The following GRID2 variants were observed in gnomAD, a reference collection of about 807,000 sequenced individuals.
The protein encoded by GRID2 is glutamate ionotropic receptor delta type subunit 2, also known as glutamate receptor ionotropic, delta-2.
A neutral mutation model predicts 114.8 loss-of-function variants in GRID2; 33 were observed. That is an observed-to-expected ratio of 0.29 (90% CI 0.22 to 0.38). GRID2 has a LOEUF of 0.38. Among genes scored for constraint, GRID2 ranks in the 10% least tolerant of loss-of-function variants. The probability of loss-of-function intolerance (pLI) is 1.00; values close to 1 mark genes in which losing one functional copy is unlikely to be tolerated. For missense variants in GRID2, 1,184 were observed against 1,257.7 expected, an observed-to-expected ratio of 0.94 and a Z score of 0.89; for synonymous variants, 505 against 449.9, an observed-to-expected ratio of 1.12 and a Z score of -1.55.
intron 2 of GRID2, among the ~76,000 whole-genome samples, chr4:93,036,518 TTAAAA>T (rs1369368929): frequency 6.6e-6 from 1 of 152,128 alleles, no homozygotes; most frequent in East Asian, 1.9e-4. Context: ...TCAAAATAAT[TTAAAA>T]TATAATAATG....
intron 2 of GRID2, among the ~76,000 whole-genome samples, chr4:92,977,427 T>C (rs1753945388): frequency 1.3e-5 from 2 of 152,128 alleles, no homozygotes; most frequent in African/African-American, 4.8e-5. Context: ...GAAATTAATA[T>C]AACTGGCATA....
intron 8 of GRID2, among the ~76,000 whole-genome samples, chr4:93,256,799 T>C (rs1409268226): frequency 6.6e-6 from 1 of 151,920 alleles, no homozygotes; most frequent in Non-Finnish European, 1.5e-5. Flanking sequence ...GTCAAATATT[T>C]TTGAATTGAG....
At chr4:92,620,779 C>T (rs1730231343) in intron 2 of GRID2, among the ~76,000 whole-genome samples, 1 of 150,524 alleles carries the variant, frequency 6.6e-6, no homozygotes, top group Non-Finnish European at 1.5e-5. Context: ...ACATCACACA[C>T]CGGGGACTGT....
intron 2 of GRID2, among the ~76,000 whole-genome samples, chr4:92,849,282 T>G (rs1365577249): frequency 2.0e-5 from 3 of 151,952 alleles, no homozygotes; most frequent in Non-Finnish European, 4.4e-5. Flanking sequence ...GCATTTTTCC[T>G]TAGTACTTGC....
chr4:93,053,506 G>A (rs1726921250), intron 2 of GRID2, among the ~76,000 whole-genome samples: 1 of 151,818 alleles, frequency 6.6e-6, no homozygotes, highest in African/African-American at 2.4e-5. Context: ...TCCTTCGAAG[G>A]CACAGACTTA....
chr4:92,628,176 A>G (rs1730614139), intron 2 of GRID2, among the ~76,000 whole-genome samples: 1 of 152,150 alleles, frequency 6.6e-6, no homozygotes, highest in Non-Finnish European at 1.5e-5. Flanking sequence ...GGATACAACA[A>G]TCAGCTCTCA....
At chr4:92,462,306 C>T (rs576029155) in intron 1 of GRID2, among the ~76,000 whole-genome samples, 17 of 152,078 alleles carry the variant, frequency 1.1e-4, no homozygotes, top group African/African-American at 3.6e-4. Context: ...TAATTGTATG[C>T]TACTCAAGCA....
intron 8 of GRID2, among the ~76,000 whole-genome samples, chr4:93,313,742 C>G (rs1418561227): frequency 6.6e-6 from 1 of 152,124 alleles, no homozygotes; most frequent in Non-Finnish European, 1.5e-5. Context: ...TGAGATGCCA[C>G]TAGATATCCT....
intron 4 of GRID2, among the ~76,000 whole-genome samples, chr4:93,117,961 A>T (rs1206351460): frequency 6.6e-6 from 1 of 152,204 alleles, no homozygotes; most frequent in East Asian, 1.9e-4. Context: ...CACAGCATTC[A>T]TAGGATTTTA....
intron 3 of GRID2, among the ~76,000 whole-genome samples, chr4:93,096,325 A>G (rs958452367): frequency 3.9e-5 from 6 of 152,074 alleles, no homozygotes; most frequent in Non-Finnish European, 7.4e-5. Flanking sequence ...TTTCTTAGGT[A>G]CCAAAAAGAA....
In GRID2 at chr4:92,652,908, ATATT is replaced by A. The variant is rs1464381553; in HGVS notation, c.244+62626_244+62629del. Among the ~76,000 whole-genome samples the A allele has an allele frequency of 9.5e-5, 13 of 137,182 alleles. 1 individual carries two copies. The highest frequency in any genetic ancestry group is 9.1e-4 in the East Asian group (4 of 4,384). 90.0% of individuals were successfully genotyped at this position (137,182 alleles called of 152,430 possible). ...TATATTTATAAATACATATAAATAT[ATATT>A]TATAAATACATATAAATATATATAA... On this transcript the variant is annotated intron_variant, in intron 2 of 15. Transcript: ENST00000282020.
intron 1 of GRID2, among the ~76,000 whole-genome samples, chr4:93,783,408 C>A (rs187438843): frequency 3.7e-4 from 56 of 152,328 alleles, no homozygotes; most frequent in Middle Eastern, 3.4e-3. Context: ...TGGGCTATTT[C>A]AGAATCAAGG....
At chr4:93,229,239 C>T (rs1032556123) in intron 7 of GRID2, among the ~76,000 whole-genome samples, 2 of 151,978 alleles carry the variant, frequency 1.3e-5, no homozygotes, top group Non-Finnish European at 2.9e-5. Context: ...GGTGATACTC[C>T]ACACATTAAG....
chr4:93,232,600 G>A (rs1462494990), intron 7 of GRID2, among the ~76,000 whole-genome samples: 1 of 150,198 alleles, frequency 6.7e-6, no homozygotes, highest in Non-Finnish European at 1.5e-5. Context: ...CTTTTGCATT[G>A]TCTTAATTGA....
At chr4:92,370,049 C>T (rs190618358) in intron 1 of GRID2, among the ~76,000 whole-genome samples, 2 of 151,980 alleles carry the variant, frequency 1.3e-5, no homozygotes, top group African/African-American at 4.8e-5. Context: ...AACCATATAT[C>T]GAGCAAGTCT....
rs371639751 is a variant in GRID2, at chr4:93,560,814, C to G, written c.2193+45403C>G. The stretch of plus-strand genomic sequence containing the variant: ...TATATTTTATACAGACATCATGGAT[C>G]ATTCTATGCAATAAAATTGTTTTCT... On this transcript the variant is annotated intron_variant, in intron 13 of 15. Transcript: ENST00000282020. Among the ~76,000 whole-genome samples the G allele has an allele frequency of 2.6e-5, 4 of 152,248 alleles. No individual in the cohort carries two copies. The South Asian group carries it at 8.3e-4, about 32-fold the overall frequency.
At chr4:93,502,987 C>T (rs1032073259) in intron 12 of GRID2, among the ~76,000 whole-genome samples, 1 of 151,982 alleles carries the variant, frequency 6.6e-6, no homozygotes, top group Non-Finnish European at 1.5e-5. Context: ...CAAAACAGTT[C>T]GGGCATTTAT....
chr4:92,665,876 G>A (rs1732749203), intron 2 of GRID2, among the ~76,000 whole-genome samples: 1 of 151,150 alleles, frequency 6.6e-6, no homozygotes, highest in African/African-American at 2.4e-5. Context: ...CCCACAGTTT[G>A]ATTAAAATGT....
chr4:93,168,087 T>C (rs1043122867), intron 4 of GRID2, among the ~76,000 whole-genome samples: 6 of 151,982 alleles, frequency 3.9e-5, no homozygotes, highest in African/African-American at 1.5e-4. Context: ...TCCCACCCAC[T>C]TGGGAGGCTA....
Sources: allele counts gnomAD v4.1 joint callset (sites outside exome capture counted in the v4.1 genomes callset), GRCh38; gene constraint gnomAD v4.1.1; transcripts MANE v1.5; gene names NCBI Gene and HGNC (gene_info 2026-07-23, HGNC 2026-07-21).